Variants in RSPH1 observed in about 807,000 individuals in gnomAD.
RSPH1 encodes radial spoke head component 1, also known as radial spoke head 1 homolog.
RSPH1 carries 32 observed loss-of-function variants against 44.2 expected under a neutral mutation model. That is an observed-to-expected ratio of 0.72 (90% confidence interval 0.55 to 0.97). RSPH1 has a LOEUF of 0.97. RSPH1 is among the 50% of genes least tolerant of loss of function. The pLI is 0.00. For synonymous variants in RSPH1, 134 were observed against 147.3 expected, an observed-to-expected ratio of 0.91 and a Z score of 0.65; for missense variants, 391 against 398.7, an observed-to-expected ratio of 0.98 and a Z score of 0.16.
intron 3 of RSPH1, among the ~76,000 whole-genome samples, chr21:42,488,803 C>T (rs2054205687): frequency 1.3e-5 from 2 of 152,212 alleles, no homozygotes; most frequent in Admixed American, 1.3e-4. Flanking sequence ...ACATCTCTAA[C>T]AGCTATAAGT....
rs1004759991 is a variant in RSPH1, at chr21:42,472,607, TTTTG to T, written c.*207_*210del. ...TTGTTAACTGACAGAAGCATTTTGT[TTTTG>T]TTTATTTTTTGAGACAGGGTCTCGC... On this transcript the variant is annotated 3_prime_UTR_variant, in exon 9 of 9. Transcript: ENST00000291536. 4.8e-6 allele frequency: 2 copies of T among 414,646 alleles called. No homozygotes were observed. Among genetic ancestry groups the T allele is most frequent in the African/African-American group, 2.1e-5 (1 of 48,500 alleles). 25.7% of individuals were successfully genotyped at this position (414,646 alleles called of 1,614,324 possible). A position where few individuals can be genotyped will look rare whatever the true frequency, so the allele number is the denominator to read the frequency against.
intron 3 of RSPH1, among the ~76,000 whole-genome samples, chr21:42,490,737 A>G (rs181884815): frequency 6.6e-4 from 100 of 152,324 alleles, no homozygotes; most frequent in Non-Finnish European, 2.1e-4. Flanking sequence ...TGTTATTCAA[A>G]ATGAGACTCT....
chr21:42,492,645 G>A (rs1251737238), intron 3 of RSPH1, 113 bp downstream of exon 3: 3 of 665,452 alleles, frequency 4.5e-6, no homozygotes, highest in Non-Finnish European at 5.4e-6. Flanking sequence ...CGTTGAATGA[G>A]TAACTGGAGA....
chr21:42,495,884 G>C (rs895532821), intron 1 of RSPH1: 1 of 520,718 alleles, frequency 1.9e-6, no homozygotes, highest in Non-Finnish European at 3.5e-6. Flanking sequence ...CCTTTAATGG[G>C]AGGCAGGATG....
chr21:42,490,123 C>T (rs2054221729), intron 3 of RSPH1, among the ~76,000 whole-genome samples: 3 of 151,926 alleles, frequency 2.0e-5, no homozygotes, highest in Non-Finnish European at 1.5e-5. Context: ...CCACCCTCCC[C>T]TCCATCTCAT....
chr21:42,481,934 G>A (rs1014735406), intron 6 of RSPH1, among the ~76,000 whole-genome samples: 3 of 152,132 alleles, frequency 2.0e-5, no homozygotes, highest in Non-Finnish European at 1.5e-5. Context: ...ACTTACCAAC[G>A]GCACGTTCAG....
At chr21:42,476,977 GAT>G in intron 7 of RSPH1, among the ~76,000 whole-genome samples, 2 of 57,868 alleles carry the variant, frequency 3.5e-5, no homozygotes, top group Admixed American at 2.0e-4. Flanking sequence ...ACAGCCTGGG[GAT>G]GCCCCACACC....
intron 6 of RSPH1, among the ~76,000 whole-genome samples, chr21:42,482,309 CCTGACCTAAAGCAAT>C (rs2054136208): frequency 6.6e-6 from 1 of 152,170 alleles, no homozygotes; most frequent in African/African-American, 2.4e-5. Context: ...GTCTCAAACT[CCTGACCTAAAGCAAT>C]CCACCGCTTC....
intron 3 of RSPH1, among the ~76,000 whole-genome samples, chr21:42,490,309 G>C (rs911017050): frequency 6.6e-5 from 10 of 152,204 alleles, no homozygotes; most frequent in Non-Finnish European, 1.5e-5. Context: ...TTATGCCACA[G>C]GGTCCTGACG....
intron 2 of RSPH1, 51 bp from the exon 3 acceptor site, chr21:42,492,914 C>CTGAATG: frequency 6.3e-7 from 1 of 1,584,622 alleles, no homozygotes; most frequent in Non-Finnish European, 8.7e-7. Flanking sequence ...GTAGCATTTG[C>CTGAATG]TAACAGAGTA....
rs116535235 is a variant in RSPH1 at position 42,486,287 on chromosome 21, T to G, written c.365+84A>C. 2.2e-3 allele frequency: 2,242 copies of G among 1,024,712 alleles called. 48 individuals are homozygous for G. In the African/African-American group the frequency reaches 0.029, roughly 13 times the overall value. 63.5% of individuals were successfully genotyped at this position (1,024,712 alleles called of 1,614,324 possible). ...AACTGGGCTTTTGTTATGATTCTGT[T>G]CCTCAGTAAGTGTAAACAATCTGCA... On this transcript the variant is annotated intron_variant, in intron 4 of 8. Transcript: ENST00000291536.
intron 4 of RSPH1, 79 bp downstream of exon 4, chr21:42,486,292 A>G: frequency 3.8e-6 from 4 of 1,057,226 alleles, no homozygotes; most frequent in Non-Finnish European, 5.9e-6. Context: ...TCTGTTCCTC[A>G]GTAAGTGTAA....
At chr21:42,475,846 C>T (rs920631971) in intron 8 of RSPH1, 52 bp downstream of exon 8, 19 of 1,590,186 alleles carry the variant, frequency 1.2e-5, no homozygotes, top group African/African-American at 1.1e-4. Context: ...TCCCACTGTT[C>T]GTGGCCCCTA....
intron 6 of RSPH1, among the ~76,000 whole-genome samples, chr21:42,477,871 T>C (rs906862628): frequency 1.3e-4 from 20 of 152,204 alleles, no homozygotes; most frequent in African/African-American, 4.6e-4. Flanking sequence ...ATTATATGTC[T>C]ATTGAGCTTA....
intron 8 of RSPH1, 22 bp from the exon 9 acceptor site, chr21:42,472,892 G>A: frequency 1.3e-6 from 2 of 1,532,658 alleles, no homozygotes; most frequent in Non-Finnish European, 9.0e-7. Flanking sequence ...AGAGAAACAT[G>A]AGTATATCTC....
At chr21:42,473,555 G>C (rs554637176) in intron 8 of RSPH1, among the ~76,000 whole-genome samples, 5 of 147,068 alleles carry the variant, frequency 3.4e-5, no homozygotes, top group Admixed American at 1.4e-4. Flanking sequence ...TAAATGTTTT[G>C]TGAAAGGTAG....
intron 6 of RSPH1, among the ~76,000 whole-genome samples, chr21:42,478,184 A>G (rs2054089904): frequency 6.6e-6 from 1 of 152,244 alleles, no homozygotes; most frequent in African/African-American, 2.4e-5. Flanking sequence ...TGTGACTATC[A>G]CAAAATTCCA....
Position 42,477,332 on chromosome 21 carries a change from G to A in RSPH1, c.686C>T (p.Thr229Ile), listed in dbSNP as rs747448425. The A allele has an allele frequency of 2.5e-6, 4 of 1,609,732 alleles. No individual in the cohort carries two copies. Among genetic ancestry groups the A allele is most frequent in the Non-Finnish European group, 3.4e-6 (4 of 1,178,196 alleles). The stretch of plus-strand genomic sequence containing the variant: ...GTCTTGGCCAGGTCCATCCGTAGAG[G>A]TCGGCTTTTTGGGGAGAGTTGGTGT... ...LWTPTLPKKP[T>I]STDGPGQDAP... The change falls in exon 7 of 9, where the codon ACC (threonine) becomes ATC (isoleucine). Residue 229 changes from threonine to isoleucine, a missense_variant. Thr to Ile is a moderately conservative substitution (Grantham distance 89). Coordinates refer to ENST00000291536, the MANE Select transcript of RSPH1 (RefSeq NM_080860.4).
At chr21:42,486,554 ATGTGT>A in intron 3 of RSPH1, 93 bp from the exon 4 acceptor site, 1 of 910,826 alleles carries the variant, frequency 1.1e-6, no homozygotes, top group South Asian at 1.3e-5. Context: ...GCAAAGGCAG[ATGTGT>A]TGTGAAGCAA....
Sources: gnomAD v4.1 joint callset for allele counts (sites outside exome capture counted in the v4.1 genomes callset) on GRCh38, gnomAD v4.1.1 for gene constraint, MANE v1.5 for transcripts, NCBI Gene and HGNC (gene_info 2026-07-23, HGNC 2026-07-21) for gene names.